DYNC1I1: variants seen among roughly 807,000 people sequenced by gnomAD.
DYNC1I1 encodes the protein cytoplasmic dynein 1 intermediate chain 1.
Under a neutral mutation model 86.6 loss-of-function variants are expected in DYNC1I1, and 43 were observed. That is an observed-to-expected ratio of 0.50 (90% CI 0.39 to 0.64). The LOEUF is 0.64. Among genes scored for constraint, DYNC1I1 ranks in the 30% least tolerant of loss-of-function variants. DYNC1I1 has a pLI of 0.00. For synonymous variants in DYNC1I1, 262 were observed against 283.7 expected (o/e 0.92, Z 0.77); for missense variants, 604 against 788.8 (o/e 0.77, Z 2.81).
chr7:95,948,125 A>G (rs372736733), intron 6 of DYNC1I1, among the ~76,000 whole-genome samples: 12 of 152,208 alleles, frequency 7.9e-5, no homozygotes, highest in African/African-American at 2.9e-4. Context: ...GGAACCAGCC[A>G]TCACCATCCC....
At chr7:95,940,337 G>A (rs1383742631) in intron 6 of DYNC1I1, among the ~76,000 whole-genome samples, 1 of 152,010 alleles carries the variant, frequency 6.6e-6, no homozygotes, top group Admixed American at 6.6e-5. Context: ...GAATCTGAAT[G>A]TTGGCCTGCC....
chr7:96,069,607 C>T (rs2116216847), intron 14 of DYNC1I1, among the ~76,000 whole-genome samples: 1 of 152,278 alleles, frequency 6.6e-6, no homozygotes, highest in South Asian at 2.1e-4. Flanking sequence ...AGCTGATATT[C>T]ATGAAAATCA....
At chr7:95,786,447 T>C (rs1241625271) in intron 1 of DYNC1I1, among the ~76,000 whole-genome samples, 3 of 152,190 alleles carry the variant, frequency 2.0e-5, no homozygotes, top group Non-Finnish European at 4.4e-5. Flanking sequence ...TCACCTGCAA[T>C]GTTGTTAGTG....
chr7:96,107,678 C>T (rs548331901), intron 16 of DYNC1I1, among the ~76,000 whole-genome samples: 5 of 151,838 alleles, frequency 3.3e-5, no homozygotes, highest in African/African-American at 4.8e-5. Context: ...ATTACAGGTG[C>T]GTGCCACCAC....
chr7:95,980,167 T>C (rs1793418121), intron 7 of DYNC1I1, among the ~76,000 whole-genome samples: 1 of 152,180 alleles, frequency 6.6e-6, no homozygotes, highest in African/African-American at 2.4e-5. Context: ...TTGATTAAAG[T>C]CATGTTAAAA....
chr7:95,960,653 G>T (rs527350305), intron 6 of DYNC1I1, among the ~76,000 whole-genome samples: 1 of 152,300 alleles, frequency 6.6e-6, no homozygotes, highest in African/African-American at 2.4e-5. Context: ...TGTCAGCATG[G>T]AATATCCTTT....
At chr7:95,916,989 G>A (rs910099218) in intron 6 of DYNC1I1, among the ~76,000 whole-genome samples, 1 of 152,166 alleles carries the variant, frequency 6.6e-6, no homozygotes, top group Non-Finnish European at 1.5e-5. Flanking sequence ...GGAGCCCTTA[G>A]CTGACCCACA....
chr7:95,819,846 A>T (rs953854300), intron 4 of DYNC1I1, among the ~76,000 whole-genome samples: 4 of 152,148 alleles, frequency 2.6e-5, no homozygotes, highest in African/African-American at 4.8e-5. Context: ...TTTTAATATC[A>T]TTGTCTTCAG....
chr7:95,943,340 A>C (rs954993533), intron 6 of DYNC1I1, among the ~76,000 whole-genome samples: 2 of 151,874 alleles, frequency 1.3e-5, no homozygotes, highest in African/African-American at 4.8e-5. Flanking sequence ...CTCTTCAAGG[A>C]GAACTACAAA....
chr7:95,933,524 T>C (rs1791958341), intron 6 of DYNC1I1, among the ~76,000 whole-genome samples: 1 of 152,230 alleles, frequency 6.6e-6, no homozygotes, highest in Non-Finnish European at 1.5e-5. Flanking sequence ...TAATAATTGA[T>C]GCTCACGTGA....
intron 9 of DYNC1I1, among the ~76,000 whole-genome samples, chr7:95,991,069 G>A (rs1029758383): frequency 2.0e-5 from 3 of 150,338 alleles, no homozygotes; most frequent in Admixed American, 2.0e-4. Flanking sequence ...TAAAAATAAA[G>A]GACTAATAAT....
chr7:95,783,386 G>C (rs1004798417), intron 1 of DYNC1I1, among the ~76,000 whole-genome samples: 4 of 152,188 alleles, frequency 2.6e-5, no homozygotes, highest in Admixed American at 1.3e-4. Flanking sequence ...TGGAATGCCA[G>C]CCATGAGTGA....
At chr7:95,787,756 A>T (rs1794187850) in intron 1 of DYNC1I1, among the ~76,000 whole-genome samples, 1 of 152,224 alleles carries the variant, frequency 6.6e-6, no homozygotes, top group Admixed American at 6.5e-5. Context: ...TGAAATGTTA[A>T]GTCTAATATA....
chr7:95,975,886 C>A (rs976458947), intron 6 of DYNC1I1, among the ~76,000 whole-genome samples: 6 of 152,138 alleles, frequency 3.9e-5, no homozygotes, highest in Non-Finnish European at 8.8e-5. Flanking sequence ...CTTCACTAGA[C>A]TTTGTGTTTA....
intron 14 of DYNC1I1, among the ~76,000 whole-genome samples, chr7:96,047,300 G>A (rs564313786): frequency 5.3e-5 from 8 of 152,230 alleles, no homozygotes; most frequent in East Asian, 3.9e-4. Flanking sequence ...AATTGACAGC[G>A]TAATACTGAA....
At chr7:95,915,635 G>C (rs1167942992) in intron 6 of DYNC1I1, among the ~76,000 whole-genome samples, 3 of 152,002 alleles carry the variant, frequency 2.0e-5, no homozygotes, top group Non-Finnish European at 4.4e-5. Flanking sequence ...TTTTTTCAGT[G>C]CTACTGTCTA....
rs1022404750 is a variant in DYNC1I1 at position 95,915,935 on chromosome 7, TCAA to T, written c.490+45947_490+45949del. ...TGGTAGTCTTTTCATCCGTATCTGT[TCAA>T]CAACAACAAAGTGATCTCCCCAACC... On this transcript the variant is annotated intron_variant, in intron 6 of 16. Coordinates refer to ENST00000447467, the MANE Select transcript of DYNC1I1 (RefSeq NM_001135556.2). Among the ~76,000 whole-genome samples, 6 of 152,328 alleles carry T rather than the reference TCAA, an allele frequency of 3.9e-5. 1 individual carries two copies. In the Middle Eastern group the frequency reaches 0.01, roughly 259 times the overall value.
chr7:96,087,372 C>T (rs1251779006), intron 16 of DYNC1I1, among the ~76,000 whole-genome samples: 1 of 152,128 alleles, frequency 6.6e-6, no homozygotes, highest in African/African-American at 2.4e-5. Context: ...GCAAGGCAAA[C>T]CTGATTGCAT....
At chr7:95,892,069 G>A (rs1275913524) in intron 6 of DYNC1I1, among the ~76,000 whole-genome samples, 1 of 152,122 alleles carries the variant, frequency 6.6e-6, no homozygotes, top group African/African-American at 2.4e-5. Context: ...CCAGGTTTAA[G>A]TGATTCTTCT....
Sources: gnomAD v4.1 joint callset for allele counts (sites outside exome capture counted in the v4.1 genomes callset) on GRCh38, gnomAD v4.1.1 for gene constraint, MANE v1.5 for transcripts, NCBI Gene and HGNC (gene_info 2026-07-23, HGNC 2026-07-21) for gene names.